Variants in LTBP1 observed in about 807,000 individuals in gnomAD.
LTBP1 encodes latent transforming growth factor beta binding protein 1, also known as latent-transforming growth factor beta-binding protein 1.
LTBP1 carries 129 observed loss-of-function variants against 207.6 expected under a neutral mutation model. That is an observed-to-expected ratio of 0.62 (90% CI 0.54 to 0.72). The LOEUF (loss-of-function observed/expected upper bound fraction) is 0.72, where lower values mean the gene tolerates loss of function less well. LTBP1 is among the 30% of genes least tolerant of loss of function. The probability of loss-of-function intolerance (pLI) is 0.00; values close to 1 mark genes in which losing one functional copy is unlikely to be tolerated. For missense variants in LTBP1, 2,281 were observed against 2,217.2 expected (o/e 1.03, Z -0.58); for synonymous variants, 963 against 833.7 (o/e 1.16, Z -2.67).
intron 7 of LTBP1, among the ~76,000 whole-genome samples, chr2:33,200,990 A>G (rs540324668): frequency 6.6e-6 from 1 of 152,346 alleles, no homozygotes; most frequent in South Asian, 2.1e-4. Flanking sequence ...GGTGCTGGAG[A>G]GGATGTGGAG....
In LTBP1 at chr2:33,257,264, T is replaced by G; in HGVS notation, c.2168-20T>G. The G allele has an allele frequency of 6.3e-7, 1 of 1,592,840 alleles. No individual in the cohort carries two copies. Among genetic ancestry groups the G allele is most frequent in the Non-Finnish European group, 8.6e-7 (1 of 1,160,974 alleles). Reference sequence around the variant, plus strand: ...CACTGTTAGATTTTTAAAAGGAATATTTTCCCATCCCAAATCTAGCTGCTT... The same window carrying G: ...CACTGTTAGATTTTTAAAAGGAATAGTTTCCCATCCCAAATCTAGCTGCTT... On this transcript the variant is annotated intron_variant, in intron 11 of 33. Transcript: ENST00000404816.
At chr2:33,237,365 G>A (rs2092100502) in intron 9 of LTBP1, among the ~76,000 whole-genome samples, 1 of 152,170 alleles carries the variant, frequency 6.6e-6, no homozygotes, top group South Asian at 2.1e-4. Context: ...GTCTCACAAA[G>A]TCTGTGTTTT....
intron 2 of LTBP1, among the ~76,000 whole-genome samples, chr2:32,967,848 G>C (rs565148733): frequency 6.6e-6 from 1 of 152,176 alleles, no homozygotes; most frequent in East Asian, 1.9e-4. Context: ...TGATGGTTAC[G>C]TTGAATTCCA....
At position 33,275,207 on chromosome 2, in the gene LTBP1, T is replaced by C. The variant is rs1268810942; in HGVS notation, c.2869+117T>C. 4.1e-6 allele frequency: 5 copies of C among 1,222,602 alleles called. No homozygotes were observed. In the African/African-American group the frequency reaches 4.6e-5, roughly 11 times the overall value. 75.7% of individuals were successfully genotyped at this position (1,222,602 alleles called of 1,614,324 possible). A position where few individuals can be genotyped will look rare whatever the true frequency, so the allele number is the denominator to read the frequency against. ...CCCAGAATTTTTTATTAAACAATTA[T>C]CATGACAGCAGTCTGCTAGATCCCA... On this transcript the variant is annotated intron_variant, in intron 17 of 33. Coordinates refer to ENST00000404816, the MANE Select transcript of LTBP1 (RefSeq NM_206943.4).
Position 33,360,615 on chromosome 2 carries a change from A to G in LTBP1, c.4019A>G (p.Asp1340Gly), listed in dbSNP as rs1018566478. ...RTSTDLDVDV[D>G]QPKEEKKECY... ...CATTTAGATTTAGATGTAGATGTAGATCAACCCAAAGAAGAAAAGAAAGAA... is the reference window on the plus strand; with the variant it reads ...CATTTAGATTTAGATGTAGATGTAGGTCAACCCAAAGAAGAAAAGAAAGAA... Residue 1340 changes from aspartate (D) to glycine (G), a missense_variant, in exon 27 of 34, where the codon GAT (aspartate) becomes GGT (glycine). Transcript: ENST00000404816. 7 of 1,613,262 alleles carry G rather than the reference A, an allele frequency of 4.3e-6. No individual in the cohort carries two copies. The highest frequency in any genetic ancestry group is 2.7e-5 in the African/African-American group (2 of 74,906).
At chr2:33,097,653 C>T (rs970444007) in intron 3 of LTBP1, among the ~76,000 whole-genome samples, 5 of 152,102 alleles carry the variant, frequency 3.3e-5, no homozygotes, top group Admixed American at 6.5e-5. Flanking sequence ...TGGTGGATAA[C>T]CTGTGTTTTT....
intron 32 of LTBP1, among the ~76,000 whole-genome samples, chr2:33,392,822 T>C (rs1157945554): frequency 1.3e-5 from 2 of 151,538 alleles, no homozygotes; most frequent in African/African-American, 4.9e-5. Context: ...AATATTGTCG[T>C]AGATTAAGTC....
chr2:33,261,568 TG>T (rs1183189452), intron 13 of LTBP1, among the ~76,000 whole-genome samples: 2 of 87,508 alleles, frequency 2.3e-5, no homozygotes, highest in Non-Finnish European at 2.2e-5. Context: ...GGTGAACAAC[TG>T]TTAAGAAAAA....
intron 7 of LTBP1, among the ~76,000 whole-genome samples, chr2:33,193,982 T>A (rs1345984646): frequency 6.8e-6 from 1 of 147,186 alleles, no homozygotes; most frequent in South Asian, 2.1e-4. Context: ...CTTTATTTAT[T>A]TTTATTTATT....
chr2:33,008,256 T>C (rs1687201007), intron 2 of LTBP1, among the ~76,000 whole-genome samples: 1 of 152,234 alleles, frequency 6.6e-6, no homozygotes, highest in African/African-American at 2.4e-5. Flanking sequence ...AAGAATAAGT[T>C]TCAAAGTAAA....
chr2:33,195,060 A>G (rs1226221506), intron 7 of LTBP1, among the ~76,000 whole-genome samples: 2 of 152,250 alleles, frequency 1.3e-5, no homozygotes, highest in Non-Finnish European at 2.9e-5. Context: ...TGCTCAGAAT[A>G]AAAGATTCCT....
At chr2:32,977,195 T>A (rs1488700671) in intron 2 of LTBP1, among the ~76,000 whole-genome samples, 9 of 152,178 alleles carry the variant, frequency 5.9e-5, no homozygotes, top group African/African-American at 1.9e-4. Context: ...CCTCCCCTGC[T>A]GTCCAGGTGT....
chr2:33,399,012 TA>T lies in LTBP1; in HGVS notation c.*468del, dbSNP rs2150832313. 6.5e-6 allele frequency: 1 copy of T among 152,934 alleles called. No homozygotes were observed. The highest frequency in any genetic ancestry group is 1.5e-5 in the Non-Finnish European group (1 of 68,156). The allele number at this position is 152,934 out of a possible 1,614,324, so 9.5% of individuals were successfully genotyped here. On this transcript the variant is annotated 3_prime_UTR_variant, in exon 34 of 34. Transcript: ENST00000404816. Reference sequence around the variant, plus strand: ...TCTTCGATACAATATTGTTAAGCTGTATTATAAGTATTGTTACACAGGGTTA... The same window carrying T: ...TCTTCGATACAATATTGTTAAGCTGTTTATAAGTATTGTTACACAGGGTTA...
intron 2 of LTBP1, among the ~76,000 whole-genome samples, chr2:33,007,071 G>T (rs1687008124): frequency 6.6e-6 from 1 of 152,098 alleles, no homozygotes; most frequent in African/African-American, 2.4e-5. Flanking sequence ...CATTTGAAAG[G>T]GGTGGTTTTT....
At chr2:33,309,905 ATCTG>A (rs2094156543) in intron 23 of LTBP1, among the ~76,000 whole-genome samples, 1 of 148,010 alleles carries the variant, frequency 6.8e-6, no homozygotes, top group Admixed American at 6.7e-5. Flanking sequence ...GGTGGTATTT[ATCTG>A]TCCTTTTCTG....
At chr2:33,201,068 G>T (rs1431025787) in intron 7 of LTBP1, among the ~76,000 whole-genome samples, 2 of 152,196 alleles carry the variant, frequency 1.3e-5, no homozygotes, top group Non-Finnish European at 2.9e-5. Flanking sequence ...AGTCAGTGTG[G>T]CAATTCCTAA....
chr2:33,187,001 A>C lies in LTBP1; in HGVS notation c.1347A>C (p.Pro449=). The part of the protein sequence containing the change: ...VPKLYQHSQQ[P]GKALGTHVIH... ...AACTTTATCAGCATTCCCAGCAGCC[A>C]GGCAAGGCGTTGGGGACGCATGTCA... Residue 449 remains proline, a synonymous_variant, in exon 6 of 34, where the codon CCA becomes CCC. Transcript: ENST00000404816. The C allele has an allele frequency of 6.2e-7, 1 of 1,614,228 alleles. No individual in the cohort carries two copies. The highest frequency in any genetic ancestry group is 2.2e-5 in the East Asian group (1 of 44,886).
chr2:33,385,618 GC>G (rs2095258876), intron 31 of LTBP1, among the ~76,000 whole-genome samples: 1 of 152,166 alleles, frequency 6.6e-6, no homozygotes, highest in Non-Finnish European at 1.5e-5. Flanking sequence ...GCCCAAAACT[GC>G]TAAGCTGGGA....
At chr2:33,290,662 C>T (rs2093756229) in intron 19 of LTBP1, among the ~76,000 whole-genome samples, 1 of 152,254 alleles carries the variant, frequency 6.6e-6, no homozygotes, top group African/African-American at 2.4e-5. Context: ...ATTGGTATGC[C>T]TGGGCAATAA....
Sources: allele counts gnomAD v4.1 joint callset (sites outside exome capture counted in the v4.1 genomes callset), GRCh38; gene constraint gnomAD v4.1.1; transcripts MANE v1.5; gene names NCBI Gene and HGNC (gene_info 2026-07-23, HGNC 2026-07-21).